Variants in PTPRN2 observed in about 807,000 individuals in gnomAD.
PTPRN2 encodes protein tyrosine phosphatase receptor type N2.
In PTPRN2, 74 loss-of-function variants were observed where a neutral mutation model predicts 118.8. The observed-to-expected ratio is 0.62, with a 90% confidence interval of 0.52 to 0.76. The LOEUF (loss-of-function observed/expected upper bound fraction) is 0.76, where lower values mean the gene tolerates loss of function less well. Among genes scored for constraint, PTPRN2 ranks in the 30% least tolerant of loss-of-function variants. The pLI is 0.00. For missense variants in PTPRN2, 1,481 were observed against 1,394.4 expected (o/e 1.06, Z -0.99); for synonymous variants, 641 against 608.0 (o/e 1.05, Z -0.80).
intron 12 of PTPRN2, among the ~76,000 whole-genome samples, chr7:157,850,416 G>T (rs1350064403): frequency 6.6e-6 from 1 of 151,838 alleles, no homozygotes. Context: ...AGGGATCCCA[G>T]GTATCCGAAT....
intron 6 of PTPRN2, among the ~76,000 whole-genome samples, chr7:158,149,161 A>G: frequency 6.6e-6 from 1 of 151,374 alleles, no homozygotes; most frequent in African/African-American, 2.4e-5. Flanking sequence ...CCCCTCAGTG[A>G]CACCCCATCT....
At chr7:158,201,763 T>C (rs191668430) in intron 4 of PTPRN2, among the ~76,000 whole-genome samples, 1 of 152,286 alleles carries the variant, frequency 6.6e-6, no homozygotes, top group East Asian at 1.9e-4. Flanking sequence ...ACTCAACGAG[T>C]TGTCAACCAG....
chr7:158,322,588 C>T (rs551925436), intron 2 of PTPRN2, among the ~76,000 whole-genome samples: 2 of 151,346 alleles, frequency 1.3e-5, no homozygotes, highest in Non-Finnish European at 2.9e-5. Flanking sequence ...CAGTGGGCAA[C>T]GGGGAGGGAG....
chr7:157,825,654 T>C (rs1423293960), intron 12 of PTPRN2, among the ~76,000 whole-genome samples: 1 of 152,174 alleles, frequency 6.6e-6, no homozygotes, highest in Non-Finnish European at 1.5e-5. Context: ...ACCACTGCCC[T>C]CCACATTTGT....
At chr7:158,051,449 T>C (rs1809320397) in intron 11 of PTPRN2, among the ~76,000 whole-genome samples, 1 of 152,188 alleles carries the variant, frequency 6.6e-6, no homozygotes, top group African/African-American at 2.4e-5. Context: ...TGCCAGCAGC[T>C]GCAAAGGCCT....
At chr7:158,200,891 G>C (rs1826590797) in intron 4 of PTPRN2, among the ~76,000 whole-genome samples, 2 of 151,980 alleles carry the variant, frequency 1.3e-5, no homozygotes, top group Non-Finnish European at 2.9e-5. Flanking sequence ...TTAAAATTAT[G>C]CTCAAAAGCA....
chr7:158,131,259 A>C (rs916685708), intron 9 of PTPRN2, among the ~76,000 whole-genome samples: 1 of 152,010 alleles, frequency 6.6e-6, no homozygotes, highest in African/African-American at 2.4e-5. Context: ...ATACACACGC[A>C]AATATGCATA....
chr7:158,320,143 TCCCTTGTACACACACAGCCTCCCTC>T (rs1249627423), intron 2 of PTPRN2, among the ~76,000 whole-genome samples: 20,936 of 43,888 alleles, frequency 0.48, 5,229 homozygotes, highest in Non-Finnish European at 0.52. Flanking sequence ...ACACACAGCC[TCCCTTGTACACACACAGCCTCCCTC>T]GTACACACAC....
intron 11 of PTPRN2, among the ~76,000 whole-genome samples, chr7:158,024,369 G>A (rs2128878132): frequency 6.6e-6 from 1 of 152,322 alleles, no homozygotes; most frequent in African/African-American, 2.4e-5. Context: ...TCCCTGAGCT[G>A]TCCACTCAGC....
intron 11 of PTPRN2, among the ~76,000 whole-genome samples, chr7:157,973,497 A>G (rs190817092): frequency 1.8e-4 from 27 of 152,356 alleles, no homozygotes; most frequent in Middle Eastern, 3.4e-3. Flanking sequence ...CCATTTAAAT[A>G]ATTTTGCTAA....
intron 1 of PTPRN2, among the ~76,000 whole-genome samples, chr7:158,545,073 C>T (rs1586914257): frequency 6.6e-6 from 1 of 152,288 alleles, no homozygotes; most frequent in Non-Finnish European, 1.5e-5. Context: ...GAGGAAGGCA[C>T]CTGCTCGGAC....
chr7:157,873,084 G>C (rs779660699), intron 12 of PTPRN2, among the ~76,000 whole-genome samples: 1 of 152,214 alleles, frequency 6.6e-6, no homozygotes, highest in Non-Finnish European at 1.5e-5. Flanking sequence ...TCCCTCACCC[G>C]AGCCCTGTCT....
chr7:158,488,193 T>G (rs935611557), intron 2 of PTPRN2, among the ~76,000 whole-genome samples: 1 of 152,088 alleles, frequency 6.6e-6, no homozygotes, highest in Non-Finnish European at 1.5e-5. Context: ...GCAGACGACG[T>G]AGGATTTTCA....
intron 10 of PTPRN2, among the ~76,000 whole-genome samples, chr7:158,101,915 G>A (rs1475289758): frequency 6.6e-6 from 1 of 152,184 alleles, no homozygotes; most frequent in Non-Finnish European, 1.5e-5. Flanking sequence ...AAAGCAGTGA[G>A]CAGCGGCAGG....
At chr7:157,606,675 G>A (rs1312492269) in intron 15 of PTPRN2, among the ~76,000 whole-genome samples, 2 of 152,266 alleles carry the variant, frequency 1.3e-5, no homozygotes, top group Admixed American at 6.5e-5. Context: ...TGTGGGCGCT[G>A]GCACCAGAAG....
intron 11 of PTPRN2, among the ~76,000 whole-genome samples, chr7:157,995,769 G>C (rs1804677341): frequency 6.6e-6 from 1 of 152,228 alleles, no homozygotes; most frequent in Non-Finnish European, 1.5e-5. Context: ...CAGAAGGAGG[G>C]GTCATCCATG....
intron 1 of PTPRN2, among the ~76,000 whole-genome samples, chr7:158,572,931 A>G (rs1359740922): frequency 6.6e-6 from 1 of 152,210 alleles, no homozygotes; most frequent in Non-Finnish European, 1.5e-5. Context: ...TTTCTGAATG[A>G]TTTACATTTT....
At chr7:158,320,759 C>G (rs1802949523) in intron 2 of PTPRN2, among the ~76,000 whole-genome samples, 1 of 152,162 alleles carries the variant, frequency 6.6e-6, no homozygotes, top group Non-Finnish European at 1.5e-5. Flanking sequence ...CTAGTAAATA[C>G]TCAGCAATAA....
rs1329948731 is a variant in PTPRN2 at position 157,845,271 on chromosome 7, G to A, written c.1788+53402C>T. Among the ~76,000 whole-genome samples, 2 of 152,166 alleles carry A rather than the reference G, an allele frequency of 1.3e-5. No homozygotes were observed. Among genetic ancestry groups the A allele is most frequent in the Non-Finnish European group, 2.9e-5 (2 of 68,034 alleles). ...GGAAAAAAATGCATGGCAGATACTC[G>A]ATGGCCTTTCTGTCCTCCCTGCACC... On this transcript the variant is annotated intron_variant, in intron 12 of 22. Coordinates refer to ENST00000389418, the MANE Select transcript of PTPRN2 (RefSeq NM_002847.5). This position sits in a 1 kb window ranked among gnomAD's most constrained non-coding sequence, Gnocchi z 4.5.
Sources: gnomAD v4.1 joint callset for allele counts (sites outside exome capture counted in the v4.1 genomes callset) on GRCh38, gnomAD v4.1.1 for gene constraint, Gnocchi (gnomAD v3.1) non-coding constraint, MANE v1.5 for transcripts, NCBI Gene and HGNC (gene_info 2026-07-23, HGNC 2026-07-21) for gene names.